The following PPIL6 variants were observed in gnomAD, a reference collection of about 807,000 sequenced individuals.
PPIL6 encodes peptidylprolyl isomerase like 6, also known as probable inactive peptidyl-prolyl cis-trans isomerase-like 6.
PPIL6 carries 39 observed loss-of-function variants against 36.8 expected under a neutral mutation model. The ratio of observed to expected loss-of-function variants is 1.06; its 90% CI spans 0.82 to 1.38. The LOEUF (loss-of-function observed/expected upper bound fraction) is 1.38, where lower values mean the gene tolerates loss of function less well. Among genes scored for constraint, PPIL6 ranks in the 40% most tolerant of loss-of-function variants. The probability of loss-of-function intolerance (pLI) is 0.00; values close to 1 mark genes in which losing one functional copy is unlikely to be tolerated. For synonymous variants in PPIL6, 123 were observed against 134.1 expected (o/e 0.92, Z 0.57); for missense variants, 368 against 379.1 (o/e 0.97, Z 0.24).
At chr6:109,395,464 T>C (rs1582517420) in intron 7 of PPIL6, among the ~76,000 whole-genome samples, 2 of 151,950 alleles carry the variant, frequency 1.3e-5, no homozygotes, top group African/African-American at 4.8e-5. Context: ...ACTAGCCACA[T>C]TTCAAGTGCC....
intron 2 of PPIL6, among the ~76,000 whole-genome samples, chr6:109,435,411 C>T (rs562213467): frequency 1.4e-4 from 21 of 151,482 alleles, no homozygotes; most frequent in African/African-American, 4.6e-4. Flanking sequence ...GATTCTCCTG[C>T]CTCAGCCTCC....
chr6:109,441,079 C>T, upstream of PPIL6: 1 of 1,610,692 alleles, frequency 6.2e-7, no homozygotes, highest in Non-Finnish European at 8.5e-7. Context: ...GCGGCCGTCG[C>T]TGGAGAGTTC....
At chr6:109,437,715 C>T (rs1376333124) in intron 1 of PPIL6, among the ~76,000 whole-genome samples, 1 of 151,984 alleles carries the variant, frequency 6.6e-6, no homozygotes, top group African/African-American at 2.4e-5. Flanking sequence ...CCACCACGCC[C>T]AGCTAATTTT....
At chr6:109,419,415 G>A (rs1374200910) in intron 5 of PPIL6, among the ~76,000 whole-genome samples, 172 bp from the exon 6 acceptor site, 5 of 147,328 alleles carry the variant, frequency 3.4e-5, no homozygotes, top group African/African-American at 1.3e-4. Context: ...ACTCCATCTC[G>A]ATTAAAAAAA....
intron 6 of PPIL6, among the ~76,000 whole-genome samples, chr6:109,406,922 C>G (rs1389617762): frequency 6.6e-6 from 1 of 152,162 alleles, no homozygotes; most frequent in Non-Finnish European, 1.5e-5. Flanking sequence ...GACATGACCC[C>G]AGTAATCTTT....
chr6:109,436,887 GT>G (rs1582607154), intron 1 of PPIL6, among the ~76,000 whole-genome samples: 1 of 152,136 alleles, frequency 6.6e-6, no homozygotes. Context: ...TTTAAGACTA[GT>G]TTTTCCCTAA....
intron 6 of PPIL6, chr6:109,403,153 T>G: frequency 1.5e-6 from 2 of 1,376,204 alleles, no homozygotes; most frequent in Non-Finnish European, 1.9e-6. Context: ...AAATTAAATT[T>G]TTTTAGAGAA....
At chr6:109,421,890 T>G (rs1773563939) in intron 5 of PPIL6, among the ~76,000 whole-genome samples, 1 of 151,780 alleles carries the variant, frequency 6.6e-6, no homozygotes, top group Admixed American at 6.6e-5. Context: ...AAAATTTATT[T>G]TTTTGAGACA....
chr6:109,391,424 A>G lies in PPIL6; in HGVS notation c.*1402T>C, dbSNP rs978244793. ...TCAAGCACTCTGCTGACTACATTAC[A>G]CCATGGGGACTGGAACCAGTTCCTT... On this transcript the variant is annotated 3_prime_UTR_variant, in exon 8 of 8. Transcript: ENST00000521072. 1 of 151,802 alleles carries G rather than the reference A, an allele frequency of 6.6e-6. No homozygotes were observed. The highest frequency in any genetic ancestry group is 1.5e-5 in the Non-Finnish European group (1 of 68,044). The allele number at this position is 151,802 out of a possible 1,614,324, so 9.4% of individuals were successfully genotyped here. A position where few individuals can be genotyped will look rare whatever the true frequency, so the allele number is the denominator to read the frequency against.
rs1228908462 is a variant in PPIL6, at chr6:109,419,253, A to T, written c.632-10T>A. 1 of 1,492,938 alleles carries T rather than the reference A, an allele frequency of 6.7e-7. No homozygotes were observed. Among genetic ancestry groups the T allele is most frequent in the Non-Finnish European group, 9.3e-7 (1 of 1,072,634 alleles). 92.5% of individuals were successfully genotyped at this position (1,492,938 alleles called of 1,614,324 possible). Reference sequence around the variant, plus strand: ...TTTCCATACACTATATCTGAGAAATAGCAACAAATAAACATTAGAATTTTG... The same window carrying T: ...TTTCCATACACTATATCTGAGAAATTGCAACAAATAAACATTAGAATTTTG... On this transcript the variant is annotated splice_polypyrimidine_tract_variant and intron_variant, in intron 5 of 7. Transcript: ENST00000521072.
intron 5 of PPIL6, among the ~76,000 whole-genome samples, chr6:109,425,915 T>C (rs776293881): frequency 2.6e-5 from 4 of 152,180 alleles, no homozygotes; most frequent in Non-Finnish European, 5.9e-5. Context: ...GGGGAATTAA[T>C]TAAACTGGTA....
At chr6:109,416,093 C>G (rs1773237883) in intron 6 of PPIL6, among the ~76,000 whole-genome samples, 1 of 152,004 alleles carries the variant, frequency 6.6e-6, no homozygotes, top group South Asian at 2.1e-4. Flanking sequence ...TAGGAGCAGT[C>G]TGGATCATAA....
chr6:109,399,241 G>A (rs758533815), intron 7 of PPIL6, among the ~76,000 whole-genome samples: 4 of 151,932 alleles, frequency 2.6e-5, no homozygotes, highest in African/African-American at 4.8e-5. Flanking sequence ...CCGAGTAGCC[G>A]GGACTACAGG....
chr6:109,431,731 T>G (rs1210372415), intron 2 of PPIL6, among the ~76,000 whole-genome samples: 2 of 152,224 alleles, frequency 1.3e-5, no homozygotes, highest in Non-Finnish European at 2.9e-5. Flanking sequence ...GGCTCTAGAC[T>G]GACACCAAAC....
intron 6 of PPIL6, among the ~76,000 whole-genome samples, chr6:109,410,927 G>T (rs1255737952): frequency 2.0e-5 from 3 of 152,134 alleles, no homozygotes; most frequent in Admixed American, 6.5e-5. Flanking sequence ...TATCTCTCTA[G>T]ACACAATTTC....
At chr6:109,403,014 T>C in intron 6 of PPIL6, 1 of 1,511,940 alleles carries the variant, frequency 6.6e-7, no homozygotes. Flanking sequence ...TGACTCACTC[T>C]TTAATCGTCT....
chr6:109,435,538 G>C (rs1201303563), intron 2 of PPIL6, among the ~76,000 whole-genome samples: 1 of 151,954 alleles, frequency 6.6e-6, no homozygotes, highest in African/African-American at 2.4e-5. Flanking sequence ...CCTCATGATC[G>C]GCCTGCCTTG....
At chr6:109,401,850 A>G (rs1772559198) in intron 6 of PPIL6, among the ~76,000 whole-genome samples, 1 of 151,080 alleles carries the variant, frequency 6.6e-6, no homozygotes, top group Non-Finnish European at 1.5e-5. Flanking sequence ...AGCCTCCCTT[A>G]GTAGCTGGAA....
chr6:109,425,442 C>T (rs542774687), intron 5 of PPIL6, among the ~76,000 whole-genome samples: 3 of 152,088 alleles, frequency 2.0e-5, no homozygotes, highest in Non-Finnish European at 2.9e-5. Context: ...AAAAATAAAA[C>T]GAAACAAAAG....
Sources: gnomAD v4.1 joint callset for allele counts (sites outside exome capture counted in the v4.1 genomes callset) on GRCh38, gnomAD v4.1.1 for gene constraint, MANE v1.5 for transcripts, NCBI Gene and HGNC (gene_info 2026-07-23, HGNC 2026-07-21) for gene names.